PTPRT: variants seen among roughly 807,000 people sequenced by gnomAD.
PTPRT encodes receptor-type tyrosine-protein phosphatase T.
Under a neutral mutation model 176.8 loss-of-function variants are expected in PTPRT, and 56 were observed. The observed-to-expected ratio is 0.32, with a 90% CI of 0.26 to 0.40. PTPRT has a LOEUF of 0.40. Among genes scored for constraint, PTPRT ranks in the 10% least tolerant of loss-of-function variants. PTPRT has a pLI of 1.00. For synonymous variants in PTPRT, 783 were observed against 739.0 expected (o/e 1.06, Z -0.96); for missense variants, 1,540 against 1,908.2 (o/e 0.81, Z 3.60).
At chr20:43,097,085 G>A (rs1038224196) in intron 1 of PTPRT, among the ~76,000 whole-genome samples, 4 of 152,210 alleles carry the variant, frequency 2.6e-5, no homozygotes, top group South Asian at 2.1e-4. Flanking sequence ...GCTGATGAGC[G>A]TTGGCCTCTG....
chr20:42,948,630 A>C (rs988817209), intron 1 of PTPRT, among the ~76,000 whole-genome samples: 4 of 152,198 alleles, frequency 2.6e-5, no homozygotes, highest in African/African-American at 9.7e-5. Flanking sequence ...AAAAATGCAA[A>C]GTGAAGAGAT....
intron 9 of PTPRT, among the ~76,000 whole-genome samples, chr20:42,389,266 A>G (rs1401697708): frequency 6.6e-6 from 1 of 152,122 alleles, no homozygotes; most frequent in East Asian, 1.9e-4. Context: ...CCTAGAACTT[A>G]AAGTATAAAA....
At chr20:42,877,825 C>T (rs376236164) in intron 2 of PTPRT, among the ~76,000 whole-genome samples, 59 of 152,190 alleles carry the variant, frequency 3.9e-4, no homozygotes, top group African/African-American at 1.3e-3. Context: ...CCATTCTATT[C>T]GACAATATTT....
intron 17 of PTPRT, among the ~76,000 whole-genome samples, chr20:42,159,373 G>T (rs1243693780): frequency 6.6e-6 from 1 of 150,902 alleles, no homozygotes; most frequent in East Asian, 2.0e-4. Context: ...GCTGTCTATA[G>T]AATCTTGTTT....
intron 26 of PTPRT, among the ~76,000 whole-genome samples, chr20:42,101,869 G>T (rs1467836202): frequency 1.3e-5 from 2 of 152,224 alleles, no homozygotes; most frequent in Non-Finnish European, 2.9e-5. Flanking sequence ...ACTTGCCATG[G>T]TGACACGGGA....
At chr20:42,330,484 A>G (rs190954047) in intron 11 of PTPRT, among the ~76,000 whole-genome samples, 2 of 152,126 alleles carry the variant, frequency 1.3e-5, no homozygotes, top group Admixed American at 1.3e-4. Context: ...TCAAAAAAAT[A>G]AAATAAATAA....
chr20:42,523,492 G>T (rs1009020195), intron 7 of PTPRT, among the ~76,000 whole-genome samples: 3 of 152,100 alleles, frequency 2.0e-5, no homozygotes, highest in African/African-American at 7.2e-5. Flanking sequence ...TAGGTGTTTT[G>T]TAAATATTGT....
chr20:42,416,711 G>A (rs902548361), intron 9 of PTPRT, among the ~76,000 whole-genome samples: 6 of 152,082 alleles, frequency 3.9e-5, no homozygotes, highest in African/African-American at 7.2e-5. Flanking sequence ...CAATAATAGG[G>A]GATTGGGTAA....
intron 2 of PTPRT, among the ~76,000 whole-genome samples, chr20:42,854,080 G>T (rs974763781): frequency 6.6e-6 from 1 of 152,088 alleles, no homozygotes; most frequent in Non-Finnish European, 1.5e-5. Flanking sequence ...GTACCATTAC[G>T]GCTCACAATA....
intron 1 of PTPRT, among the ~76,000 whole-genome samples, chr20:42,949,983 C>T (rs989821361): frequency 3.9e-5 from 6 of 152,164 alleles, no homozygotes; most frequent in African/African-American, 1.4e-4. Context: ...AGGAAGAAGG[C>T]CTGAGTGCCA....
intron 9 of PTPRT, among the ~76,000 whole-genome samples, chr20:42,426,987 C>G (rs368956586): frequency 3.9e-5 from 6 of 152,110 alleles, no homozygotes; most frequent in Non-Finnish European, 7.4e-5. Flanking sequence ...CAGTAGCTGT[C>G]AAACATGGTG....
chr20:42,584,114 A>G (rs1455803538), intron 7 of PTPRT, among the ~76,000 whole-genome samples: 2 of 152,212 alleles, frequency 1.3e-5, no homozygotes, highest in East Asian at 3.8e-4. Flanking sequence ...TATCACCAAG[A>G]GACCTGTCTT....
At chr20:42,692,557 G>C (rs2075808643) in intron 6 of PTPRT, among the ~76,000 whole-genome samples, 1 of 152,124 alleles carries the variant, frequency 6.6e-6, no homozygotes, top group African/African-American at 2.4e-5. Context: ...ATCTGACAAA[G>C]GGTATCTAAC....
At chr20:42,585,634 T>C (rs759094091) in intron 7 of PTPRT, among the ~76,000 whole-genome samples, 1 of 152,170 alleles carries the variant, frequency 6.6e-6, no homozygotes, top group Non-Finnish European at 1.5e-5. Context: ...ACAGCAATCC[T>C]ATAAGGTAGA....
chr20:42,698,333 GGT>G (rs2075916314), intron 6 of PTPRT, among the ~76,000 whole-genome samples: 1 of 152,116 alleles, frequency 6.6e-6, no homozygotes, highest in Non-Finnish European at 1.5e-5. Context: ...TAAGAAATGA[GGT>G]GTGTCATTAT....
chr20:42,960,439 G>T (rs1035770379), intron 1 of PTPRT, among the ~76,000 whole-genome samples: 5 of 152,008 alleles, frequency 3.3e-5, no homozygotes, highest in African/African-American at 1.2e-4. Flanking sequence ...TCATGAAGAC[G>T]GAGCCCTCAT....
intron 13 of PTPRT, among the ~76,000 whole-genome samples, chr20:42,267,469 T>C (rs1329923123): frequency 6.6e-6 from 1 of 152,256 alleles, no homozygotes; most frequent in Non-Finnish European, 1.5e-5. Flanking sequence ...TTTTTACTTT[T>C]CTCACGTGAC....
intron 7 of PTPRT, among the ~76,000 whole-genome samples, chr20:42,609,761 C>G (rs2073942797): frequency 6.6e-6 from 1 of 152,174 alleles, no homozygotes; most frequent in Non-Finnish European, 1.5e-5. Flanking sequence ...TGTAGGCTGG[C>G]AGACAAATAA....
At chr20:42,111,779 T>C (rs1027569554) in intron 22 of PTPRT, among the ~76,000 whole-genome samples, 1 of 152,220 alleles carries the variant, frequency 6.6e-6, no homozygotes, top group Non-Finnish European at 1.5e-5. Context: ...AAAGGGACCA[T>C]GTGAACCCTG....
Sources: gnomAD v4.1 joint callset for allele counts (sites outside exome capture counted in the v4.1 genomes callset) on GRCh38, gnomAD v4.1.1 for gene constraint, MANE v1.5 for transcripts, NCBI Gene and HGNC (gene_info 2026-07-23, HGNC 2026-07-21) for gene names.